Variants in MBOAT1 observed in about 807,000 individuals in gnomAD.
The protein encoded by MBOAT1 is membrane bound glycerophospholipid O-acyltransferase 1, also known as membrane-bound glycerophospholipid O-acyltransferase 1.
A neutral mutation model predicts 64.4 loss-of-function variants in MBOAT1; 67 were observed. The observed-to-expected ratio is 1.04, with a 90% CI of 0.85 to 1.27. The LOEUF is 1.27. Ranked by LOEUF, MBOAT1 falls within the 50% of genes most tolerant of loss-of-function variation. The pLI is 0.00. For synonymous variants in MBOAT1, 229 were observed against 218.9 expected, an observed-to-expected ratio of 1.05 and a Z score of -0.41; for missense variants, 563 against 604.6, an observed-to-expected ratio of 0.93 and a Z score of 0.72.
At chr6:20,160,304 C>G (rs1442628953) in intron 1 of MBOAT1, among the ~76,000 whole-genome samples, 2 of 152,222 alleles carry the variant, frequency 1.3e-5, no homozygotes, top group Non-Finnish European at 2.9e-5. Context: ...CACTGCCTTT[C>G]TCCTAACCAA....
rs534045348 is a variant in MBOAT1, at chr6:20,101,792, G to A, written c.*494C>T. ...ATATCAAAACCAATAACCTGGACAT[G>A]GCCGATTAATCTGTACAAAAAGGCT... On this transcript the variant is annotated 3_prime_UTR_variant, in exon 13 of 13. Transcript: ENST00000324607. Among the ~76,000 whole-genome samples, 17 of 152,266 alleles carry A rather than the reference G, an allele frequency of 1.1e-4. No homozygotes were observed. The East Asian group carries it at 2.7e-3, about 24-fold the overall frequency.
At chr6:20,176,063 C>A (rs1581445772) in intron 1 of MBOAT1, among the ~76,000 whole-genome samples, 1 of 152,168 alleles carries the variant, frequency 6.6e-6, no homozygotes, top group Non-Finnish European at 1.5e-5. Flanking sequence ...GTAGAAGGAT[C>A]ACTTGAGGCC....
chr6:20,119,082 C>T (rs1239148580), intron 8 of MBOAT1, among the ~76,000 whole-genome samples: 2 of 152,076 alleles, frequency 1.3e-5, no homozygotes, highest in Non-Finnish European at 2.9e-5. Flanking sequence ...AAGCATGACC[C>T]GCCGGTAGTG....
intron 12 of MBOAT1, among the ~76,000 whole-genome samples, chr6:20,103,647 G>C (rs922329133): frequency 6.6e-6 from 1 of 152,100 alleles, no homozygotes; most frequent in African/African-American, 2.4e-5. Flanking sequence ...GGCTGGTCTC[G>C]AACTCCCAGC....
chr6:20,208,369 C>G (rs1763320383), intron 1 of MBOAT1, among the ~76,000 whole-genome samples: 1 of 147,252 alleles, frequency 6.8e-6, no homozygotes, highest in African/African-American at 2.5e-5. Context: ...TCACGTGAAC[C>G]TGGGAGGCGG....
At chr6:20,161,807 A>G (rs1230395503) in intron 1 of MBOAT1, among the ~76,000 whole-genome samples, 1 of 152,046 alleles carries the variant, frequency 6.6e-6, no homozygotes, top group Admixed American at 6.6e-5. Flanking sequence ...AAATAATAGC[A>G]CTCAGGGAGA....
chr6:20,150,197 T>A (rs1761449502), intron 3 of MBOAT1, among the ~76,000 whole-genome samples: 2 of 152,224 alleles, frequency 1.3e-5, no homozygotes, highest in Admixed American at 1.3e-4. Context: ...TTAAACTACC[T>A]CTGTACTTTG....
At chr6:20,152,379 T>A (rs7773581) in intron 2 of MBOAT1, among the ~76,000 whole-genome samples, 2 of 144,296 alleles carry the variant, frequency 1.4e-5, no homozygotes, top group East Asian at 2.0e-4. Context: ...ATTAATTAAT[T>A]AATTAATTAA....
At position 20,203,749 on chromosome 6, in the gene MBOAT1, G is replaced by A. The variant is rs945973320; in HGVS notation, c.99+8387C>T. 4.0e-5 allele frequency among the ~76,000 whole-genome samples: 6 copies of A among 151,600 alleles called. 1 individual carries two copies. The highest frequency in any genetic ancestry group is 1.3e-4 in the Admixed American group (2 of 15,200). On this transcript the variant is annotated intron_variant, in intron 1 of 12. Coordinates refer to ENST00000324607, the MANE Select transcript of MBOAT1 (RefSeq NM_001080480.3). ...ACAGACCAGACCAAACCAGAATGGA[G>A]TCACTGATGCCAGGAGCTATATAAA...
intron 6 of MBOAT1, among the ~76,000 whole-genome samples, chr6:20,128,313 T>C (rs1751157876): frequency 6.6e-6 from 1 of 152,098 alleles, no homozygotes. Context: ...CACACTGACA[T>C]TGATCATTCA....
At chr6:20,120,440 G>A (rs185443369) in intron 8 of MBOAT1, among the ~76,000 whole-genome samples, 40 of 152,114 alleles carry the variant, frequency 2.6e-4, no homozygotes, top group Non-Finnish European at 5.3e-4. Context: ...ATGACGAAAC[G>A]TGCGGATCAC....
At chr6:20,163,081 T>C (rs1228650921) in intron 1 of MBOAT1, among the ~76,000 whole-genome samples, 6 of 152,230 alleles carry the variant, frequency 3.9e-5, no homozygotes, top group African/African-American at 1.4e-4. Flanking sequence ...CTTACTCCAA[T>C]GGCTAAAAGG....
At chr6:20,152,392 A>G (rs9358308) in intron 2 of MBOAT1, among the ~76,000 whole-genome samples, 14,525 of 145,066 alleles carry the variant, frequency 0.1, 753 homozygotes, top group South Asian at 0.11. Flanking sequence ...TTAATTAAAA[A>G]AAAGAAAAAG....
intron 4 of MBOAT1, among the ~76,000 whole-genome samples, chr6:20,134,796 G>T (rs1240764684): frequency 6.6e-6 from 1 of 151,552 alleles, no homozygotes; most frequent in African/African-American, 2.4e-5. Context: ...CAAATCCTTA[G>T]AGTTACTGAC....
intron 1 of MBOAT1, among the ~76,000 whole-genome samples, chr6:20,196,404 G>A (rs1762956006): frequency 6.6e-6 from 1 of 152,190 alleles, no homozygotes; most frequent in South Asian, 2.1e-4. Flanking sequence ...CAAACTGAGT[G>A]AGAGAAAGTA....
intron 3 of MBOAT1, 53 bp downstream of exon 3, chr6:20,151,132 G>C: frequency 1.5e-6 from 2 of 1,306,618 alleles, no homozygotes; most frequent in Non-Finnish European, 2.2e-6. Context: ...ATATTTCAAA[G>C]ATCACAAAAA....
At chr6:20,149,827 A>G (rs944518599) in intron 3 of MBOAT1, among the ~76,000 whole-genome samples, 2 of 152,248 alleles carry the variant, frequency 1.3e-5, no homozygotes, top group African/African-American at 4.8e-5. Context: ...TAAGGAGGAA[A>G]ACTACTGTGC....
intron 1 of MBOAT1, among the ~76,000 whole-genome samples, chr6:20,173,468 A>G (rs1762258985): frequency 1.3e-5 from 2 of 152,252 alleles, no homozygotes; most frequent in Non-Finnish European, 2.9e-5. Context: ...TTGAATGGAA[A>G]TATTTTATCA....
intron 12 of MBOAT1, among the ~76,000 whole-genome samples, chr6:20,107,143 G>A (rs1759981940): frequency 6.6e-6 from 1 of 152,226 alleles, no homozygotes; most frequent in East Asian, 1.9e-4. Flanking sequence ...ACATTTAGCT[G>A]CTGTGTAAAT....
Sources: allele counts gnomAD v4.1 joint callset (sites outside exome capture counted in the v4.1 genomes callset), GRCh38; gene constraint gnomAD v4.1.1; transcripts MANE v1.5; gene names NCBI Gene and HGNC (gene_info 2026-07-23, HGNC 2026-07-21).